CRACR2A: variants seen among roughly 807,000 people sequenced by gnomAD.
CRACR2A encodes the protein calcium release activated channel regulator 2A.
CRACR2A carries 79 observed loss-of-function variants against 90.5 expected under a neutral mutation model. The ratio of observed to expected loss-of-function variants is 0.87; its 90% CI spans 0.73 to 1.05. The LOEUF (loss-of-function observed/expected upper bound fraction) is 1.05, where lower values mean the gene tolerates loss of function less well. Ranked by LOEUF, CRACR2A falls within the 50% of genes least tolerant of loss-of-function variation. The pLI is 0.00. For synonymous variants in CRACR2A, 338 were observed against 356.7 expected (o/e 0.95, Z 0.59); for missense variants, 823 against 897.2 (o/e 0.92, Z 1.06).
chr12:3,729,854 T>C (rs1018901528), intron 2 of CRACR2A: 1 of 152,236 alleles, frequency 6.6e-6, no homozygotes, highest in African/African-American at 2.4e-5. Context: ...TGTTTCCTTG[T>C]CTGGAAAAGT....
rs567887966 is a variant in CRACR2A at position 3,746,374 on chromosome 12, C to T, written c.-387+6641G>A. Among the ~76,000 whole-genome samples the T allele has an allele frequency of 4.0e-5, 6 of 151,088 alleles. No homozygotes were observed. The highest frequency in any genetic ancestry group is 1.3e-4 in the Admixed American group (2 of 15,166). The stretch of plus-strand genomic sequence containing the variant: ...AGAGCTCTCTCTCTCTCTCTCTCTC[C>T]CCATCTCTCTCTCCTCCCTCTTCCC... On this transcript the variant is annotated intron_variant, in intron 1 of 19. Transcript: ENST00000440314. This position sits in a 1 kb window ranked among gnomAD's most constrained non-coding sequence, Gnocchi z 4.4.
intron 7 of CRACR2A, among the ~76,000 whole-genome samples, chr12:3,665,621 C>T (rs1356617305): frequency 2.0e-5 from 3 of 152,212 alleles, no homozygotes; most frequent in East Asian, 3.8e-4. Context: ...AGAGCCACTG[C>T]TCTATAGCTC....
intron 6 of CRACR2A, among the ~76,000 whole-genome samples, chr12:3,678,678 G>T (rs1945382781): frequency 6.6e-6 from 1 of 151,916 alleles, no homozygotes; most frequent in Non-Finnish European, 1.5e-5. Flanking sequence ...GAGAGAAGGA[G>T]AATAGGAATG....
intron 17 of CRACR2A, among the ~76,000 whole-genome samples, chr12:3,624,540 C>CT (rs764305643): frequency 1.3e-5 from 2 of 152,236 alleles, no homozygotes; most frequent in Non-Finnish European, 2.9e-5. Context: ...AACACACACT[C>CT]TGCCATTTGA....
intron 1 of CRACR2A, among the ~76,000 whole-genome samples, chr12:3,745,742 C>A (rs866643819): frequency 2.5e-5 from 3 of 120,562 alleles, no homozygotes; most frequent in Middle Eastern, 4.0e-3. Context: ...CATGCCATTG[C>A]GCTCCAGCCT....
At chr12:3,619,200 C>T in intron 18 of CRACR2A, 71 bp downstream of exon 18, 1 of 1,272,684 alleles carries the variant, frequency 7.9e-7, no homozygotes, top group Non-Finnish European at 1.1e-6. Flanking sequence ...CCCACCAAGG[C>T]TCTTGGGCAC....
chr12:3,727,981 G>A (rs972307864), intron 2 of CRACR2A: 1 of 152,186 alleles, frequency 6.6e-6, no homozygotes. Flanking sequence ...TGTAAATTTT[G>A]CTCTCCTTCC....
intron 18 of CRACR2A, 53 bp downstream of exon 18, chr12:3,619,218 A>G: frequency 6.8e-7 from 1 of 1,476,636 alleles, no homozygotes; most frequent in Non-Finnish European, 9.2e-7. Context: ...CACTTGCCCA[A>G]CTTCCCTCGG....
At chr12:3,698,743 G>A (rs917956306) in intron 3 of CRACR2A, among the ~76,000 whole-genome samples, 2 of 152,222 alleles carry the variant, frequency 1.3e-5, no homozygotes, top group South Asian at 2.1e-4. Flanking sequence ...TTGGATGGAA[G>A]CCTGAGGGGG....
At chr12:3,742,488 C>T (rs887513) in intron 1 of CRACR2A, among the ~76,000 whole-genome samples, 4 of 152,030 alleles carry the variant, frequency 2.6e-5, no homozygotes, top group East Asian at 1.9e-4. Flanking sequence ...ACAACATCCC[C>T]GTCTAGACGA....
chr12:3,643,736 CACAT>C (rs1352100207), intron 12 of CRACR2A, among the ~76,000 whole-genome samples: 5 of 129,186 alleles, frequency 3.9e-5, no homozygotes, highest in African/African-American at 1.2e-4. Context: ...CACACATATA[CACAT>C]ACATACATAT....
At chr12:3,653,335 T>C (rs888780232) in intron 10 of CRACR2A, among the ~76,000 whole-genome samples, 1 of 152,222 alleles carries the variant, frequency 6.6e-6, no homozygotes, top group African/African-American at 2.4e-5. Context: ...ATAAGTGAGA[T>C]ATATTGAATG....
In CRACR2A at chr12:3,639,441, T is replaced by C. The variant is rs1018842166; in HGVS notation, c.1272-987A>G. Among the ~76,000 whole-genome samples, 6 of 14,462 alleles carry C rather than the reference T, an allele frequency of 4.1e-4. 1 individual carries two copies. Among genetic ancestry groups the C allele is most frequent in the Non-Finnish European group, 5.6e-4 (4 of 7,186 alleles). 9.5% of individuals were successfully genotyped at this position (14,462 alleles called of 152,430 possible). A position where few individuals can be genotyped will look rare whatever the true frequency, so the allele number is the denominator to read the frequency against. Reference sequence around the variant, plus strand: ...TAAAGGAAGTTTGACAGGGAGGACCTTAAGTCCAGAATTGAAACACACACA... The same window carrying C: ...TAAAGGAAGTTTGACAGGGAGGACCCTAAGTCCAGAATTGAAACACACACA... On this transcript the variant is annotated intron_variant, in intron 13 of 19. Transcript: ENST00000440314.
chr12:3,619,150 T>C, intron 18 of CRACR2A, 121 bp downstream of exon 18: 1 of 710,114 alleles, frequency 1.4e-6, no homozygotes, highest in Non-Finnish European at 2.3e-6. Flanking sequence ...CACCCATGTT[T>C]TCCAGTTGCT....
chr12:3,620,455 G>T (rs1478920833), intron 17 of CRACR2A, among the ~76,000 whole-genome samples: 1 of 152,212 alleles, frequency 6.6e-6, no homozygotes, highest in Admixed American at 6.5e-5. Flanking sequence ...CCATCTTACA[G>T]ATATACCAAT....
intron 1 of CRACR2A, among the ~76,000 whole-genome samples, chr12:3,741,272 T>C (rs375904144): frequency 6.6e-6 from 1 of 152,270 alleles, no homozygotes; most frequent in East Asian, 1.9e-4. Context: ...AGGGTCTTGA[T>C]GTGACAGGCC....
At chr12:3,705,659 G>A (rs1321070893) in intron 3 of CRACR2A, among the ~76,000 whole-genome samples, 1 of 152,224 alleles carries the variant, frequency 6.6e-6, no homozygotes, top group African/African-American at 2.4e-5. Context: ...GGCGATGCCT[G>A]ATAAAGGCAA....
chr12:3,638,281 A>T lies in CRACR2A; in HGVS notation c.1445T>A (p.Leu482His). 6.4e-7 allele frequency: 1 copy of T among 1,551,590 alleles called. No individual in the cohort carries two copies. Among genetic ancestry groups the T allele is most frequent in the Non-Finnish European group, 8.7e-7 (1 of 1,146,962 alleles). ...ISVEEDPLPQ[L>H]LDGGFEQPLS... Reference sequence around the variant, plus strand: ...GGGTTGCTCAAAGCCACCATCCAGGAGCTGGGGCAGGGGGTCTTCTTCAAC... The same window carrying T: ...GGGTTGCTCAAAGCCACCATCCAGGTGCTGGGGCAGGGGGTCTTCTTCAAC... The change falls in exon 14 of 20, where the codon CTC (leucine) becomes CAC (histidine). Residue 482 changes from leucine to histidine, a missense_variant. Coordinates refer to ENST00000440314, the MANE Select transcript of CRACR2A (RefSeq NM_001144958.2).
intron 15 of CRACR2A, among the ~76,000 whole-genome samples, chr12:3,629,873 C>T (rs1027138342): frequency 4.0e-5 from 6 of 150,312 alleles, no homozygotes; most frequent in African/African-American, 1.5e-4. Context: ...GAAGAGGTGG[C>T]ATGTGCAAAC....
Sources: allele counts gnomAD v4.1 joint callset (sites outside exome capture counted in the v4.1 genomes callset), GRCh38; gene constraint gnomAD v4.1.1; non-coding constraint Gnocchi (gnomAD v3.1); transcripts MANE v1.5; gene names NCBI Gene and HGNC (gene_info 2026-07-23, HGNC 2026-07-21).